The following SORCS1 variants were observed in gnomAD, a reference collection of about 807,000 sequenced individuals.
The protein encoded by SORCS1 is sortilin related VPS10 domain containing receptor 1.
Under a neutral mutation model 146.1 loss-of-function variants are expected in SORCS1, and 60 were observed. That is an observed-to-expected ratio of 0.41 (90% CI 0.33 to 0.51). The LOEUF is 0.51. SORCS1 is among the 20% of genes least tolerant of loss of function. The probability of loss-of-function intolerance (pLI) is 0.21; values close to 1 mark genes in which losing one functional copy is unlikely to be tolerated. For missense variants in SORCS1, 1,352 were observed against 1,487.6 expected, an observed-to-expected ratio of 0.91 and a Z score of 1.50; for synonymous variants, 637 against 584.0, an observed-to-expected ratio of 1.09 and a Z score of -1.31.
chr10:106,860,460 CCACA>C (rs58187274), intron 2 of SORCS1, among the ~76,000 whole-genome samples: 2,700 of 152,302 alleles, frequency 0.018, 75 homozygotes, highest in East Asian at 0.1. Context: ...GCTTAAGATA[CCACA>C]CACTGGGCTA....
intron 2 of SORCS1, among the ~76,000 whole-genome samples, chr10:106,902,853 T>C: frequency 6.6e-6 from 1 of 152,088 alleles, no homozygotes; most frequent in African/African-American, 2.4e-5. Context: ...CCAAGGCGAG[T>C]GGATCACAAG....
At chr10:106,991,003 G>C (rs4918278) in intron 1 of SORCS1, among the ~76,000 whole-genome samples, 63,655 of 152,042 alleles carry the variant, frequency 0.42, 16,105 homozygotes, top group African/African-American at 0.72. Flanking sequence ...GTTACTGGAG[G>C]TCAGTTCTTC....
chr10:106,761,961 C>T (rs537477493), intron 4 of SORCS1, among the ~76,000 whole-genome samples: 15 of 152,274 alleles, frequency 9.9e-5, no homozygotes, highest in African/African-American at 3.4e-4. Context: ...TTCTGCCTGG[C>T]GATAAAGTCA....
chr10:106,662,865 T>C (rs1850839489), intron 17 of SORCS1, among the ~76,000 whole-genome samples: 1 of 152,142 alleles, frequency 6.6e-6, no homozygotes, highest in African/African-American at 2.4e-5. Context: ...TTAATACAAA[T>C]GAATCTCTAA....
intron 2 of SORCS1, among the ~76,000 whole-genome samples, chr10:106,885,570 A>G (rs1271678862): frequency 4.9e-4 from 74 of 152,158 alleles, no homozygotes; most frequent in Non-Finnish European, 5.9e-5. Flanking sequence ...TATCTGGAGG[A>G]CAGTGAAGGA....
At chr10:106,836,583 A>C (rs1188412887) in intron 2 of SORCS1, among the ~76,000 whole-genome samples, 4 of 152,168 alleles carry the variant, frequency 2.6e-5, no homozygotes, top group Admixed American at 2.6e-4. Context: ...AGAAATCTGC[A>C]GTTAAGGAGA....
intron 1 of SORCS1, among the ~76,000 whole-genome samples, chr10:106,958,263 A>G (rs1195459797): frequency 6.6e-6 from 1 of 152,182 alleles, no homozygotes; most frequent in African/African-American, 2.4e-5. Flanking sequence ...TGGTACTCAT[A>G]ACCTAGAACA....
chr10:107,071,787 T>C (rs1038795062), intron 1 of SORCS1, among the ~76,000 whole-genome samples: 2 of 152,110 alleles, frequency 1.3e-5, no homozygotes, highest in African/African-American at 4.8e-5. Flanking sequence ...GAATTTAAAT[T>C]GAAGAATTGT....
chr10:106,857,293 CA>C (rs1054195538), intron 2 of SORCS1, among the ~76,000 whole-genome samples: 46 of 152,316 alleles, frequency 3.0e-4, no homozygotes, highest in African/African-American at 1.1e-3. Context: ...CTTCCCTACC[CA>C]AAACCCCACA....
In SORCS1 at chr10:106,592,614, G is replaced by A. The variant is rs528086170; in HGVS notation, c.3265+4737C>T. On this transcript the variant is annotated intron_variant, in intron 24 of 25. Coordinates refer to ENST00000263054, the MANE Select transcript of SORCS1 (RefSeq NM_052918.5). ...AACAGCATGTTGTAATGGTCCCTGG[G>A]AAGGTATTAGCAATCCTGCTTATGA... is the stretch of plus-strand genomic sequence containing the variant. Among the ~76,000 whole-genome samples, 46 of 152,276 alleles carry A rather than the reference G, an allele frequency of 3.0e-4. No homozygotes were observed. In the South Asian group the frequency reaches 8.7e-3, roughly 29 times the overall value.
intron 2 of SORCS1, among the ~76,000 whole-genome samples, chr10:106,872,792 T>G (rs2137594513): frequency 6.6e-6 from 1 of 152,316 alleles, no homozygotes; most frequent in South Asian, 2.1e-4. Flanking sequence ...ATCTTGAATC[T>G]ATTTATCTTA....
intron 2 of SORCS1, among the ~76,000 whole-genome samples, chr10:106,864,247 G>A (rs1050687288): frequency 1.3e-5 from 2 of 152,174 alleles, no homozygotes; most frequent in Admixed American, 1.3e-4. Flanking sequence ...AGTCCACGGA[G>A]AACAGAGAAA....
chr10:107,176,327 C>CTCTCTCTT, the SORCS1 span, among the ~76,000 whole-genome samples: 1,388 of 146,432 alleles, frequency 9.5e-3, 18 homozygotes, highest in African/African-American at 0.033. Flanking sequence ...CTCTCTCTCT[C>CTCTCTCTT]TCTTTCTTTT....
intron 1 of SORCS1, among the ~76,000 whole-genome samples, chr10:107,075,713 A>G (rs1962821313): frequency 6.6e-6 from 1 of 152,128 alleles, no homozygotes; most frequent in South Asian, 2.1e-4. Flanking sequence ...ATATATGGGT[A>G]GCAACTTTTG....
intron 2 of SORCS1, among the ~76,000 whole-genome samples, chr10:106,913,902 C>A (rs892611961): frequency 6.6e-6 from 1 of 152,138 alleles, no homozygotes; most frequent in South Asian, 2.1e-4. Flanking sequence ...ATAAGAGCCA[C>A]CTGCCACTCA....
intron 1 of SORCS1, among the ~76,000 whole-genome samples, chr10:106,966,563 G>A (rs1955504540): frequency 6.6e-6 from 1 of 152,174 alleles, no homozygotes; most frequent in Non-Finnish European, 1.5e-5. Context: ...ACCCCTTGAG[G>A]AAATTAAAAG....
At chr10:106,838,827 G>A (rs1027236335) in intron 2 of SORCS1, among the ~76,000 whole-genome samples, 6 of 152,196 alleles carry the variant, frequency 3.9e-5, no homozygotes, top group South Asian at 2.1e-4. Flanking sequence ...CATTTTGGTC[G>A]TTCTTGCAAT....
At chr10:107,115,084 T>C (rs1965938181) in intron 1 of SORCS1, among the ~76,000 whole-genome samples, 1 of 151,948 alleles carries the variant, frequency 6.6e-6, no homozygotes, top group Non-Finnish European at 1.5e-5. Flanking sequence ...TATAAAACAC[T>C]GATGAAGGAT....
intron 2 of SORCS1, among the ~76,000 whole-genome samples, chr10:106,953,474 T>A (rs822083): frequency 0.16 from 24,807 of 151,994 alleles, 2,949 homozygotes; most frequent in East Asian, 0.37. Flanking sequence ...TGATCCAAGA[T>A]GGGTTGAATT....
Sources: allele counts gnomAD v4.1 joint callset (sites outside exome capture counted in the v4.1 genomes callset), GRCh38; gene constraint gnomAD v4.1.1; transcripts MANE v1.5; gene names NCBI Gene and HGNC (gene_info 2026-07-23, HGNC 2026-07-21).